The following PANK1 variants were observed in gnomAD, a reference collection of about 807,000 sequenced individuals.
PANK1 encodes the protein pantothenate kinase 1, also known as pantothenic acid kinase 1.
A neutral mutation model predicts 40.1 loss-of-function variants in PANK1; 18 were observed. The ratio of observed to expected loss-of-function variants is 0.45; its 90% CI spans 0.31 to 0.67. The LOEUF (loss-of-function observed/expected upper bound fraction) is 0.67. Among genes scored for constraint, PANK1 ranks in the 30% least tolerant of loss-of-function variants. The pLI is 0.06. For missense variants in PANK1, 457 were observed against 599.6 expected (o/e 0.76, Z 2.48); for synonymous variants, 242 against 237.7 (o/e 1.02, Z -0.17).
Position 89,644,808 on chromosome 10 carries a change from G to T in PANK1, c.84C>A (p.Asn28Lys). The T allele has an allele frequency of 2.1e-6, 3 of 1,461,018 alleles. No homozygotes were observed. The highest frequency in any genetic ancestry group is 2.7e-6 in the Non-Finnish European group (3 of 1,115,450). The allele number at this position is 1,461,018 out of a possible 1,614,324, so 90.5% of individuals were successfully genotyped here. A position where few individuals can be genotyped will look rare whatever the true frequency, so the allele number is the denominator to read the frequency against. Residue 28 changes from asparagine (N) to lysine (K), a missense_variant, in exon 1 of 7, where the codon AAC (asparagine) becomes AAA (lysine). Asn to Lys is a moderately conservative substitution (Grantham distance 94, BLOSUM62 0). Coordinates refer to ENST00000307534, the MANE Select transcript of PANK1 (RefSeq NM_148977.3). ...GATGGAAGCCGTTGTGCAGCAGCCCGTTCACAGCGGCGGCGCTGGTGCCCA... is the reference window on the plus strand; with the variant it reads ...GATGGAAGCCGTTGTGCAGCAGCCCTTTCACAGCGGCGGCGCTGGTGCCCA... ...APVGTSAAAVNGLLHNGFHPP... is the reference protein window; with the variant it reads ...APVGTSAAAVKGLLHNGFHPP...
chr10:89,588,595 T>A, intron 6 of PANK1, 57 bp downstream of exon 6: 1 of 1,429,728 alleles, frequency 7.0e-7, no homozygotes. Flanking sequence ...GCTGATATGT[T>A]AGCCAAACCA....
chr10:89,588,743 A>C lies in PANK1; in HGVS notation c.1235T>G (p.Leu412Arg). 1 of 1,604,064 alleles carries C rather than the reference A, an allele frequency of 6.2e-7. No homozygotes were observed. Among genetic ancestry groups the C allele is most frequent in the Non-Finnish European group, 8.5e-7 (1 of 1,175,242 alleles). ...IDRVVFVGNF[L>R]RINMVSMKLL... ...CTTCATGGAGACCATATTGATTCTG[A>C]GAAAATTTCCAACAAACACAACTCT... The change falls in exon 6 of 7, where the codon CTC becomes CGC. Residue 412 changes from leucine to arginine, a missense_variant. By Grantham distance (102) the Leu-to-Arg change is moderately radical. Coordinates refer to ENST00000307534, the MANE Select transcript of PANK1 (RefSeq NM_148977.3).
chr10:89,598,384 A>G (rs1403048112), intron 3 of PANK1, among the ~76,000 whole-genome samples: 1 of 152,200 alleles, frequency 6.6e-6, no homozygotes, highest in Non-Finnish European at 1.5e-5. Flanking sequence ...GAGAAGTGAC[A>G]CGATATCTGC....
chr10:89,584,611 C>T, intron 6 of PANK1, 146 bp from the exon 7 acceptor site: 1 of 594,052 alleles, frequency 1.7e-6, no homozygotes, highest in Non-Finnish European at 3.0e-6. Flanking sequence ...ATAATAACAA[C>T]TATAATTTAT....
chr10:89,593,717 T>C (rs1441352677), intron 4 of PANK1, 96 bp downstream of exon 4: 10 of 879,272 alleles, frequency 1.1e-5, no homozygotes, highest in Non-Finnish European at 1.9e-5. Context: ...TGCACCAGGC[T>C]GGTGGACTGA....
intron 3 of PANK1, among the ~76,000 whole-genome samples, chr10:89,596,003 G>A (rs1190200305): frequency 6.6e-6 from 1 of 151,098 alleles, no homozygotes; most frequent in Non-Finnish European, 1.5e-5. Flanking sequence ...GCAGTTCCAT[G>A]AGTAAAGGAA....
chr10:89,614,236 A>G (rs1367832905), intron 1 of PANK1, among the ~76,000 whole-genome samples: 1 of 152,180 alleles, frequency 6.6e-6, no homozygotes, highest in Non-Finnish European at 1.5e-5. Flanking sequence ...ATTTTGGAAC[A>G]TTGCTGGGAA....
intron 1 of PANK1, among the ~76,000 whole-genome samples, chr10:89,632,870 T>C (rs1292076635): frequency 1.3e-5 from 2 of 152,202 alleles, no homozygotes; most frequent in African/African-American, 4.8e-5. Flanking sequence ...ATTTGTAGAA[T>C]ACTTTCTTTC....
At chr10:89,626,993 G>A (rs144268980) in intron 1 of PANK1, among the ~76,000 whole-genome samples, 112 of 152,220 alleles carry the variant, frequency 7.4e-4, no homozygotes, top group Middle Eastern at 3.4e-3. Flanking sequence ...ATAACCAGGC[G>A]GAACAACAGG....
intron 3 of PANK1, among the ~76,000 whole-genome samples, chr10:89,595,856 AT>A (rs1844575826): frequency 5.0e-5 from 6 of 119,760 alleles, no homozygotes; most frequent in South Asian, 2.9e-4. Flanking sequence ...ATATATATAT[AT>A]ATATATATAT....
intron 1 of PANK1, among the ~76,000 whole-genome samples, chr10:89,615,078 A>ATAGT (rs1397888356): frequency 4.6e-5 from 7 of 152,218 alleles, no homozygotes; most frequent in Non-Finnish European, 1.0e-4. Flanking sequence ...AGCAGGTTGT[A>ATAGT]TAGTTGGTGG....
intron 6 of PANK1, among the ~76,000 whole-genome samples, chr10:89,587,064 A>C (rs1435179491): frequency 6.6e-6 from 1 of 151,640 alleles, no homozygotes; most frequent in Non-Finnish European, 1.5e-5. Context: ...TGGAGGTAGC[A>C]GTGAGCCAAG....
At chr10:89,640,546 A>T (rs898678006) in intron 1 of PANK1, among the ~76,000 whole-genome samples, 1 of 152,208 alleles carries the variant, frequency 6.6e-6, no homozygotes, top group African/African-American at 2.4e-5. Flanking sequence ...GCCACAGTGG[A>T]TACACTAAAT....
chr10:89,605,991 G>A (rs564644851), intron 2 of PANK1, among the ~76,000 whole-genome samples: 3 of 152,182 alleles, frequency 2.0e-5, no homozygotes, highest in Admixed American at 1.3e-4. Context: ...GTGACTAGTT[G>A]TGTTGTCAAT....
intron 2 of PANK1, among the ~76,000 whole-genome samples, chr10:89,599,937 A>G (rs1326896488): frequency 6.6e-6 from 1 of 152,146 alleles, no homozygotes; most frequent in Non-Finnish European, 1.5e-5. Flanking sequence ...ATATAGACAC[A>G]CAGGAGAGAT....
chr10:89,622,679 C>G (rs921083954), intron 1 of PANK1, among the ~76,000 whole-genome samples: 4 of 151,826 alleles, frequency 2.6e-5, no homozygotes, highest in African/African-American at 9.7e-5. Flanking sequence ...ACTAAAAATA[C>G]AAAAAACATT....
At chr10:89,626,327 CGGAG>C (rs1845661623) in intron 1 of PANK1, 2 of 134,868 alleles carry the variant, frequency 1.5e-5, no homozygotes, top group African/African-American at 5.6e-5. Context: ...TTTTTTGAGA[CGGAG>C]TCTTGCTCTG....
At chr10:89,591,816 C>G (rs914205643) in intron 5 of PANK1, among the ~76,000 whole-genome samples, 1 of 152,222 alleles carries the variant, frequency 6.6e-6, no homozygotes, top group Non-Finnish European at 1.5e-5. Flanking sequence ...GTCAGTTGCT[C>G]TCTCCCAAAG....
At chr10:89,595,224 G>C (rs1369772168) in intron 3 of PANK1, among the ~76,000 whole-genome samples, 1 of 152,164 alleles carries the variant, frequency 6.6e-6, no homozygotes, top group Non-Finnish European at 1.5e-5. Context: ...GCTGAGACAG[G>C]CAAATTACTT....
Sources: gnomAD v4.1 joint callset for allele counts (sites outside exome capture counted in the v4.1 genomes callset) on GRCh38, gnomAD v4.1.1 for gene constraint, MANE v1.5 for transcripts, NCBI Gene and HGNC (gene_info 2026-07-23, HGNC 2026-07-21) for gene names.